Variants in CRISPLD2 observed in about 807,000 individuals in gnomAD.
CRISPLD2 encodes cysteine rich secretory protein LCCL domain containing 2, also known as cysteine-rich secretory protein LCCL domain-containing 2.
Under a neutral mutation model 71.1 loss-of-function variants are expected in CRISPLD2, and 47 were observed. The observed-to-expected ratio is 0.66, with a 90% CI of 0.52 to 0.84. The LOEUF (loss-of-function observed/expected upper bound fraction) is 0.84, where lower values mean the gene tolerates loss of function less well. Among genes scored for constraint, CRISPLD2 ranks in the 40% least tolerant of loss-of-function variants. The probability of loss-of-function intolerance (pLI) is 0.00; values close to 1 mark genes in which losing one functional copy is unlikely to be tolerated. For synonymous variants in CRISPLD2, 317 were observed against 250.1 expected (o/e 1.27, Z -2.52); for missense variants, 830 against 651.1 (o/e 1.27, Z -2.99).
At chr16:84,838,765 G>A (rs1301484641) in intron 2 of CRISPLD2, 30 bp downstream of exon 2, 2 of 1,595,348 alleles carry the variant, frequency 1.3e-6, no homozygotes, top group South Asian at 1.1e-5. Flanking sequence ...GCAGAGGCTG[G>A]CACCGGGGGT....
At chr16:84,836,764 C>G (rs570896895) in intron 1 of CRISPLD2, among the ~76,000 whole-genome samples, 198 of 152,316 alleles carry the variant, frequency 1.3e-3, no homozygotes, top group African/African-American at 4.5e-3. Flanking sequence ...TGCACTGCCA[C>G]TGTCCCAGCC....
chr16:84,857,038 T>G (rs1372986373), intron 6 of CRISPLD2, among the ~76,000 whole-genome samples: 1 of 152,186 alleles, frequency 6.6e-6, no homozygotes, highest in Non-Finnish European at 1.5e-5. Flanking sequence ...AGAGGTCCAA[T>G]GTAATTAACC....
intron 12 of CRISPLD2, among the ~76,000 whole-genome samples, chr16:84,880,289 T>TA (rs2071557048): frequency 6.6e-6 from 1 of 151,972 alleles, no homozygotes; most frequent in Non-Finnish European, 1.5e-5. Context: ...TGTGTGTTTT[T>TA]AAAAATTCTA....
At chr16:84,883,954 C>G (rs1297273091) in intron 13 of CRISPLD2, among the ~76,000 whole-genome samples, 1 of 151,880 alleles carries the variant, frequency 6.6e-6, no homozygotes, top group Non-Finnish European at 1.5e-5. Flanking sequence ...AGCAATTCTC[C>G]TGTCCCAGCC....
Position 84,889,140 on chromosome 16 carries a change from G to T in CRISPLD2, c.1306-90G>T. ...ATGGGGTCCACATCCCACCAGCCAG[G>T]TTGCCCAGCAGTGAATGATGGAGCC... On this transcript the variant is annotated intron_variant, in intron 13 of 14. Coordinates refer to ENST00000262424, the MANE Select transcript of CRISPLD2 (RefSeq NM_031476.4). 11 of 1,561,376 alleles carry T rather than the reference G, an allele frequency of 7.0e-6. 1 individual carries two copies. The South Asian group carries it at 9.0e-5, about 13-fold the overall frequency.
Position 84,843,671 on chromosome 16 carries a change from T to TATCATTTAGCA in CRISPLD2, c.241-2106_241-2105insCAATCATTTAG, listed in dbSNP as rs1555559812. Among the ~76,000 whole-genome samples, 186 of 152,354 alleles carry TATCATTTAGCA rather than the reference T, an allele frequency of 1.2e-3. 1 individual carries two copies. Among genetic ancestry groups the TATCATTTAGCA allele is most frequent in the African/African-American group, 4.3e-3 (177 of 41,562 alleles). ...TCCAAGTAAATGTGAATGATGCTGT[T>TATCATTTAGCA]ATCATTTAGTATATTGCACAGTCAG... is the stretch of plus-strand genomic sequence containing the variant. On this transcript the variant is annotated intron_variant, in intron 2 of 14. Coordinates refer to ENST00000262424, the MANE Select transcript of CRISPLD2 (RefSeq NM_031476.4).
rs76335173 is a variant in CRISPLD2, at chr16:84,864,126, A to G, written c.710-2771A>G. ...GCCAGAAGGGAATCTGCAGAGTGAC[A>G]TAAACAATGCCCTGAGACCCTGGCC... On this transcript the variant is annotated intron_variant, in intron 6 of 14. Coordinates refer to ENST00000262424, the MANE Select transcript of CRISPLD2 (RefSeq NM_031476.4). 5.0e-4 allele frequency among the ~76,000 whole-genome samples: 76 copies of G among 152,310 alleles called. No homozygotes were observed. In the East Asian group the frequency reaches 0.014, roughly 27 times the overall value.
At chr16:84,836,104 A>G (rs1049346995) in intron 1 of CRISPLD2, 2 of 152,216 alleles carry the variant, frequency 1.3e-5, no homozygotes, top group Admixed American at 1.3e-4. Flanking sequence ...AATTATTTTA[A>G]CATGTTGGAT....
intron 2 of CRISPLD2, among the ~76,000 whole-genome samples, chr16:84,845,270 T>TG (rs1916880675): frequency 1.3e-5 from 2 of 152,184 alleles, no homozygotes; most frequent in Admixed American, 1.3e-4. Context: ...ATGAAAAGGT[T>TG]GGGGTAAAGC....
intron 8 of CRISPLD2, among the ~76,000 whole-genome samples, chr16:84,870,908 A>C (rs556497355): frequency 6.6e-6 from 1 of 151,868 alleles, no homozygotes; most frequent in East Asian, 2.0e-4. Flanking sequence ...AAATACAAAA[A>C]TTAGCTGGAC....
intron 14 of CRISPLD2, 26 bp downstream of exon 14, chr16:84,889,389 A>G (rs546538573): frequency 2.5e-6 from 4 of 1,592,106 alleles, no homozygotes; most frequent in African/African-American, 2.7e-5. Flanking sequence ...CCAACCCTTG[A>G]CACCCAATCC....
At chr16:84,831,736 A>G (rs1349614410) in intron 1 of CRISPLD2, among the ~76,000 whole-genome samples, 2 of 151,934 alleles carry the variant, frequency 1.3e-5, no homozygotes, top group Admixed American at 1.3e-4. Flanking sequence ...TTAATTTTTA[A>G]ATTTTCAAAT....
chr16:84,823,639 C>A (rs1031757104), intron 1 of CRISPLD2, among the ~76,000 whole-genome samples: 1 of 152,142 alleles, frequency 6.6e-6, no homozygotes, highest in Non-Finnish European at 1.5e-5. Flanking sequence ...CCAGGCTGTA[C>A]AATGACGAGT....
chr16:84,829,528 T>C (rs943043274), intron 1 of CRISPLD2, among the ~76,000 whole-genome samples: 2 of 152,132 alleles, frequency 1.3e-5, no homozygotes, highest in African/African-American at 2.4e-5. Flanking sequence ...TCTCCTTTGA[T>C]ACTTGTGAGG....
In CRISPLD2 at chr16:84,867,669, C is replaced by A. The variant is rs552505350; in HGVS notation, c.853+629C>A. On this transcript the variant is annotated intron_variant, in intron 7 of 14. Transcript: ENST00000262424. Reference sequence around the variant, plus strand: ...GCAACCTTTGCCTTCCGGGTTCAAGCAATTCTCCTGCCTCAGCCCCCTGAG... The same window carrying A: ...GCAACCTTTGCCTTCCGGGTTCAAGAAATTCTCCTGCCTCAGCCCCCTGAG... 5.9e-5 allele frequency among the ~76,000 whole-genome samples: 9 copies of A among 152,296 alleles called. No individual in the cohort carries two copies. In the East Asian group the frequency reaches 9.6e-4, roughly 16 times the overall value.
At chr16:84,877,316 C>A (rs2071527908) in intron 11 of CRISPLD2, 122 bp from the exon 12 acceptor site, 1 of 813,376 alleles carries the variant, frequency 1.2e-6, no homozygotes, top group Non-Finnish European at 2.0e-6. Flanking sequence ...GTAGTCCCAG[C>A]TCTATTCAAG....
At chr16:84,885,406 C>A (rs1371144616) in intron 13 of CRISPLD2, among the ~76,000 whole-genome samples, 1 of 152,322 alleles carries the variant, frequency 6.6e-6, no homozygotes, top group East Asian at 1.9e-4. Context: ...AGTTGTGGAT[C>A]TTTCCTCCAA....
At chr16:84,855,536 TG>T (rs1342640840) in intron 6 of CRISPLD2, among the ~76,000 whole-genome samples, 1 of 145,390 alleles carries the variant, frequency 6.9e-6, no homozygotes, top group Non-Finnish European at 1.5e-5. Context: ...CACTGGCAGC[TG>T]ATTAGTTGGT....
At chr16:84,855,335 G>A (rs1218595365) in intron 6 of CRISPLD2, among the ~76,000 whole-genome samples, 1 of 152,098 alleles carries the variant, frequency 6.6e-6, no homozygotes, top group Non-Finnish European at 1.5e-5. Context: ...GTGATCACAA[G>A]ATCCCACAAT....
Sources: gnomAD v4.1 joint callset for allele counts (sites outside exome capture counted in the v4.1 genomes callset) on GRCh38, gnomAD v4.1.1 for gene constraint, MANE v1.5 for transcripts, NCBI Gene and HGNC (gene_info 2026-07-23, HGNC 2026-07-21) for gene names.